Variants in RFTN1 observed in about 807,000 individuals in gnomAD.
RFTN1 encodes the protein raftlin, lipid raft linker 1, also known as raftlin.
Under a neutral mutation model 46.5 loss-of-function variants are expected in RFTN1, and 26 were observed. The ratio of observed to expected loss-of-function variants is 0.56; its 90% CI spans 0.41 to 0.78. The LOEUF (loss-of-function observed/expected upper bound fraction) is 0.78. RFTN1 is among the 30% of genes least tolerant of loss of function. RFTN1 has a pLI of 0.00. For missense variants in RFTN1, 693 were observed against 718.7 expected, an observed-to-expected ratio of 0.96 and a Z score of 0.41; for synonymous variants, 261 against 284.2, an observed-to-expected ratio of 0.92 and a Z score of 0.82.
chr3:16,473,464 G>A lies in RFTN1; in HGVS notation c.145+20261C>T, dbSNP rs1176466711. Among the ~76,000 whole-genome samples the A allele has an allele frequency of 6.7e-6, 1 of 148,440 alleles. No individual in the cohort carries two copies. Among genetic ancestry groups the A allele is most frequent in the African/African-American group, 2.5e-5 (1 of 39,984 alleles). Reference sequence around the variant, plus strand: ...CGCCAAGGCTGGAGTGCAGTGGTGTGATCTCGGCTCACTGCAATCTCTGCC... The same window carrying A: ...CGCCAAGGCTGGAGTGCAGTGGTGTAATCTCGGCTCACTGCAATCTCTGCC... On this transcript the variant is annotated intron_variant, in intron 2 of 9. Transcript: ENST00000334133. The surrounding 1 kb of genome is among the most constrained non-coding windows in gnomAD (Gnocchi z 5.3).
At chr3:16,360,997 G>A (rs2072790139) in intron 6 of RFTN1, among the ~76,000 whole-genome samples, 1 of 152,166 alleles carries the variant, frequency 6.6e-6, no homozygotes, top group Admixed American at 6.5e-5. Context: ...TATAATTTGA[G>A]TTTTCTTTTA....
intron 7 of RFTN1, among the ~76,000 whole-genome samples, chr3:16,333,904 G>A (rs867657627): frequency 7.9e-5 from 12 of 152,214 alleles, no homozygotes; most frequent in South Asian, 4.1e-4. Context: ...GGTGGCTCAC[G>A]CCTGTAATCC....
chr3:16,391,562 T>C (rs1463540887), intron 4 of RFTN1, among the ~76,000 whole-genome samples: 2 of 152,328 alleles, frequency 1.3e-5, no homozygotes, highest in East Asian at 3.9e-4. Flanking sequence ...ATAGCCCTTA[T>C]ATTGAGCTCC....
chr3:16,379,019 T>C (rs574364290), intron 4 of RFTN1, among the ~76,000 whole-genome samples: 118 of 152,316 alleles, frequency 7.7e-4, no homozygotes, highest in African/African-American at 2.7e-3. Context: ...AAGGTAGCCT[T>C]TAGGGGACTT....
At chr3:16,401,723 T>C (rs560691166) in intron 4 of RFTN1, among the ~76,000 whole-genome samples, 2 of 152,352 alleles carry the variant, frequency 1.3e-5, no homozygotes, top group South Asian at 4.1e-4. Flanking sequence ...GGTCTAGATC[T>C]TGCAGTCTTT....
intron 2 of RFTN1, among the ~76,000 whole-genome samples, chr3:16,470,668 G>A (rs1559363429): frequency 6.6e-6 from 1 of 152,188 alleles, no homozygotes; most frequent in Non-Finnish European, 1.5e-5. Flanking sequence ...AATTTCAGCT[G>A]CCACCCAAGA....
Position 16,452,522 on chromosome 3 carries a change from G to A in RFTN1, c.146-18485C>T, listed in dbSNP as rs1045812035. Among the ~76,000 whole-genome samples, 4 of 152,214 alleles carry A rather than the reference G, an allele frequency of 2.6e-5. No homozygotes were observed. Among genetic ancestry groups the A allele is most frequent in the Admixed American group, 2.0e-4 (3 of 15,288 alleles). ...GCTCTGCACCTAATGATGGGCAGAT[G>A]AACGTTTGTTTTCAATGAATTCACT... On this transcript the variant is annotated intron_variant, in intron 2 of 9. Transcript: ENST00000334133. The surrounding 1 kb of genome is among the most constrained non-coding windows in gnomAD (Gnocchi z 6.3).
rs537746155 is a variant in RFTN1, at chr3:16,392,680, C to T, written c.442-14578G>A. Among the ~76,000 whole-genome samples the T allele has an allele frequency of 1.4e-3, 210 of 150,162 alleles. 1 individual carries two copies. The highest frequency in any genetic ancestry group is 4.8e-3 in the African/African-American group (197 of 40,922). ...GTGTATATATGTACACACACACACA[C>T]ATATATATATATATCATAAATAAAA... On this transcript the variant is annotated intron_variant, in intron 4 of 9. Transcript: ENST00000334133.
At position 16,448,228 on chromosome 3, in the gene RFTN1, TGCC is replaced by T. The variant is rs2075768117; in HGVS notation, c.146-14194_146-14192del. Among the ~76,000 whole-genome samples the T allele has an allele frequency of 1.3e-5, 2 of 152,196 alleles. No homozygotes were observed. ...ATAAAATATATCATGAAAATTAACT[TGCC>T]TGTTTTTATTTTTTAATGTGGTTAC... On this transcript the variant is annotated intron_variant, in intron 2 of 9. Coordinates refer to ENST00000334133, the MANE Select transcript of RFTN1 (RefSeq NM_015150.2). This position sits in a 1 kb window ranked among gnomAD's most constrained non-coding sequence, Gnocchi z 4.1.
In RFTN1 at chr3:16,452,285, T is replaced by C. The variant is rs116417802; in HGVS notation, c.146-18248A>G. On this transcript the variant is annotated intron_variant, in intron 2 of 9. Transcript: ENST00000334133. The surrounding 1 kb of genome is among the most constrained non-coding windows in gnomAD (Gnocchi z 6.3). ...CTAAAGAAAACTAAAAAAAAAATAA[T>C]AGCTGTCAAGGTAGATGAAGGTAAG... Among the ~76,000 whole-genome samples, 1 of 152,030 alleles carries C rather than the reference T, an allele frequency of 6.6e-6. No homozygotes were observed. Among genetic ancestry groups the C allele is most frequent in the Non-Finnish European group, 1.5e-5 (1 of 67,972 alleles).
At chr3:16,403,874 T>TTA (rs1182581804) in intron 4 of RFTN1, among the ~76,000 whole-genome samples, 1 of 1,972 alleles carries the variant, frequency 5.1e-4, no homozygotes, top group Non-Finnish European at 6.0e-4. Context: ...TATATTATAT[T>TTA]TATATATATA....
chr3:16,339,980 T>G (rs2071204306), intron 7 of RFTN1: 1 of 152,218 alleles, frequency 6.6e-6, no homozygotes, highest in Admixed American at 6.5e-5. Flanking sequence ...AAATGTGAAT[T>G]AATTTGCCAG....
chr3:16,409,997 T>A lies in RFTN1; in HGVS notation c.333-514A>T, dbSNP rs1206559899. Reference sequence around the variant, plus strand: ...CCACTGTGCCCAGACGCAGAATATTTTTTTTTTTTTTTAAAAAGAATCATT... The same window carrying A: ...CCACTGTGCCCAGACGCAGAATATTATTTTTTTTTTTTAAAAAGAATCATT... On this transcript the variant is annotated intron_variant, in intron 3 of 9. Transcript: ENST00000334133. 3.5e-5 allele frequency among the ~76,000 whole-genome samples: 5 copies of A among 140,914 alleles called. No individual in the cohort carries two copies. In the South Asian group the frequency reaches 9.1e-4, roughly 26 times the overall value. The allele number at this position is 140,914 out of a possible 152,430, so 92.4% of individuals were successfully genotyped here. A position where few individuals can be genotyped will look rare whatever the true frequency, so the allele number is the denominator to read the frequency against.
intron 4 of RFTN1, among the ~76,000 whole-genome samples, chr3:16,388,176 G>A (rs966602144): frequency 1.3e-5 from 2 of 152,098 alleles, no homozygotes; most frequent in Non-Finnish European, 2.9e-5. Context: ...CCCATCAGGG[G>A]GCCTCAGCAC....
At position 16,370,289 on chromosome 3, in the gene RFTN1, T is replaced by C; in HGVS notation, c.827-10A>G. 1.9e-6 allele frequency: 3 copies of C among 1,613,534 alleles called. No individual in the cohort carries two copies. The highest frequency in any genetic ancestry group is 1.3e-5 in the African/African-American group (1 of 74,846). ...GTGAAGATCTCCATTTCTGTTGGGA[T>C]TTGTAAAGGGAGTGGAGAGAGAAGA... On this transcript the variant is annotated splice_polypyrimidine_tract_variant and intron_variant, in intron 5 of 9. Coordinates refer to ENST00000334133, the MANE Select transcript of RFTN1 (RefSeq NM_015150.2). This position sits in a 1 kb window ranked among gnomAD's most constrained non-coding sequence, Gnocchi z 5.5.
chr3:16,406,391 G>A (rs1005673171), intron 4 of RFTN1, among the ~76,000 whole-genome samples: 2 of 152,148 alleles, frequency 1.3e-5, no homozygotes, highest in African/African-American at 2.4e-5. Context: ...CAGACAATGC[G>A]GGGGCAAACG....
chr3:16,366,803 C>G (rs191023818), intron 6 of RFTN1, among the ~76,000 whole-genome samples: 227 of 152,318 alleles, frequency 1.5e-3, no homozygotes, highest in Non-Finnish European at 2.8e-3. Context: ...ACAAAGCAAC[C>G]GCTAGGTGTC....
rs1243398937 is a variant in RFTN1 at position 16,433,983 on chromosome 3, G to A, written c.200C>T (p.Ala67Val). 1 of 1,613,508 alleles carries A rather than the reference G, an allele frequency of 6.2e-7. No homozygotes were observed. The highest frequency in any genetic ancestry group is 1.7e-5 in the Admixed American group (1 of 59,972). The change falls in exon 3 of 10, where the codon GCC becomes GTC. Residue 67 changes from alanine to valine, a missense_variant. Physicochemically the swap from Ala to Val is moderately conservative, Grantham distance 64. Coordinates refer to ENST00000334133, the MANE Select transcript of RFTN1 (RefSeq NM_015150.2). This position sits in a 1 kb window ranked among gnomAD's most constrained non-coding sequence, Gnocchi z 4.4. ...VRLASLRDLP[A>V]QLLELYQQGF... is the part of the protein sequence containing the mutation. ...CTGCTGGTACAGCTCCAGGAGCTGG[G>A]CGGGCAGGTCACGCAGGGAGGCCAG... is the stretch of plus-strand genomic sequence containing the variant.
intron 6 of RFTN1, among the ~76,000 whole-genome samples, chr3:16,362,734 C>G (rs773934291): frequency 3.9e-5 from 6 of 152,330 alleles, no homozygotes; most frequent in South Asian, 2.1e-4. Context: ...TTTAAAAGTG[C>G]CTGCCATGTG....
Sources: gnomAD v4.1 joint callset for allele counts (sites outside exome capture counted in the v4.1 genomes callset) on GRCh38, gnomAD v4.1.1 for gene constraint, Gnocchi (gnomAD v3.1) non-coding constraint, MANE v1.5 for transcripts, NCBI Gene and HGNC (gene_info 2026-07-23, HGNC 2026-07-21) for gene names.